Variants in WDR36 observed in about 807,000 individuals in gnomAD.
WDR36 encodes the protein WD repeat domain 36.
WDR36 carries 63 observed loss-of-function variants against 112.7 expected under a neutral mutation model. The ratio of observed to expected loss-of-function variants is 0.56; its 90% CI spans 0.46 to 0.69. The LOEUF (loss-of-function observed/expected upper bound fraction) is 0.69. Ranked by LOEUF, WDR36 falls within the 30% of genes least tolerant of loss-of-function variation. The pLI is 0.00. For missense variants in WDR36, 1,226 were observed against 1,070.3 expected (o/e 1.15, Z -2.03); for synonymous variants, 410 against 362.2 (o/e 1.13, Z -1.50).
At chr5:111,125,587 C>G in intron 21 of WDR36, 21 bp from the exon 22 acceptor site, 1 of 1,607,508 alleles carries the variant, frequency 6.2e-7, no homozygotes, top group Non-Finnish European at 8.5e-7. Context: ...CAAGTCATAA[C>G]TGGATTAAAA....
intron 6 of WDR36, 126 bp from the exon 7 acceptor site, chr5:111,103,660 T>C: frequency 8.1e-7 from 1 of 1,241,154 alleles, no homozygotes; most frequent in African/African-American, 1.5e-5. Flanking sequence ...TTGCTGAGTT[T>C]TTCTGCCATC....
chr5:111,101,441 A>G (rs1316338466), intron 5 of WDR36, among the ~76,000 whole-genome samples: 1 of 151,902 alleles, frequency 6.6e-6, no homozygotes, highest in Admixed American at 6.6e-5. Context: ...AGGCAAATCA[A>G]TAATTTAGTG....
chr5:111,094,239 G>A (rs1006974861), intron 1 of WDR36, among the ~76,000 whole-genome samples: 3 of 152,146 alleles, frequency 2.0e-5, no homozygotes, highest in Non-Finnish European at 4.4e-5. Context: ...CTATATGACT[G>A]GCCCCATTCT....
Position 111,092,585 on chromosome 5 carries a change from A to G in WDR36, c.129A>G (p.Thr43=), listed in dbSNP as rs770861811. 4.1e-5 allele frequency: 66 copies of G among 1,613,966 alleles called. No individual in the cohort carries two copies. The highest frequency in any genetic ancestry group is 5.1e-5 in the Non-Finnish European group (60 of 1,180,034). Residue 43 remains threonine, a synonymous_variant, in exon 1 of 23, where the codon ACA becomes ACG. Coordinates refer to ENST00000513710, the MANE Select transcript of WDR36 (RefSeq NM_139281.3). ...CGCTCAAGCGCCGGTTCTATGTAAC[A>G]ACCTGCGTGGGCAAGAGTTTCCACA... The part of the protein sequence containing the change: ...FSALKRRFYV[T]TCVGKSFHTY...
Position 111,110,882 on chromosome 5 carries a change from T to C in WDR36, c.1536T>C (p.Phe512=). Residue 512 remains phenylalanine (F), a synonymous_variant, in exon 14 of 23, where the codon TTT becomes TTC. Coordinates refer to ENST00000513710, the MANE Select transcript of WDR36 (RefSeq NM_139281.3). The part of the protein sequence containing the change: ...GSEGLLKFWN[F]KNKILIHSVS... ...AAGGATTACTCAAATTCTGGAACTT[T>C]AAAAACAAAATTTTAATCCATTCTG... 1.2e-6 allele frequency: 2 copies of C among 1,611,872 alleles called. No individual in the cohort carries two copies. The highest frequency in any genetic ancestry group is 4.5e-5 in the East Asian group (2 of 44,834).
chr5:111,105,261 A>C (rs1197300573), intron 9 of WDR36, 34 bp from the exon 10 acceptor site: 2 of 1,594,570 alleles, frequency 1.3e-6, no homozygotes, highest in African/African-American at 1.3e-5. Flanking sequence ...GTTTTAATGA[A>C]GCTTGATTAG....
intron 16 of WDR36, among the ~76,000 whole-genome samples, chr5:111,114,504 C>T (rs1753416859): frequency 6.6e-6 from 1 of 152,186 alleles, no homozygotes. Context: ...ACCCATCTTG[C>T]ATATACACTG....
At chr5:111,111,348 G>A in intron 15 of WDR36, 70 bp downstream of exon 15, 1 of 1,216,390 alleles carries the variant, frequency 8.2e-7, no homozygotes, top group Non-Finnish European at 1.2e-6. Flanking sequence ...TCCTTTAATA[G>A]CCTTAAAATC....
intron 10 of WDR36, among the ~76,000 whole-genome samples, 167 bp from the exon 11 acceptor site, chr5:111,105,885 ACTTTT>A (rs1239250107): frequency 6.6e-6 from 1 of 151,608 alleles, no homozygotes; most frequent in Non-Finnish European, 1.5e-5. Flanking sequence ...ATCTAAAATA[ACTTTT>A]CTTAGAATTA....
intron 16 of WDR36, among the ~76,000 whole-genome samples, chr5:111,113,849 C>T (rs1561707361): frequency 6.6e-6 from 1 of 152,050 alleles, no homozygotes. Flanking sequence ...TATAAAGCCA[C>T]CAGTTTCCCT....
rs953915772 is a variant in WDR36, at chr5:111,104,729, C to T, written c.939C>T (p.Gly313=). The T allele has an allele frequency of 1.9e-6, 3 of 1,611,316 alleles. No individual in the cohort carries two copies. The highest frequency in any genetic ancestry group is 2.5e-6 in the Non-Finnish European group (3 of 1,177,960). ...TATTTGATGGTCCTACAGGTGAAGG[C>T]CGACTTTTGAGATTCAGAATGGGTC... ...IWIFDGPTGE[G]RLLRFRMGHS... The change falls in exon 9 of 23, where the codon GGC becomes GGT. Residue 313 remains glycine (G), a synonymous_variant. Coordinates refer to ENST00000513710, the MANE Select transcript of WDR36 (RefSeq NM_139281.3).
At chr5:111,105,409 A>C in intron 10 of WDR36, 49 bp downstream of exon 10, 12 of 1,531,010 alleles carry the variant, frequency 7.8e-6, no homozygotes, top group Non-Finnish European at 1.1e-5. Context: ...GAAACATTTC[A>C]ACATTCTATG....
At chr5:111,095,253 A>G (rs963728771) in intron 2 of WDR36, 71 of 287,816 alleles carry the variant, frequency 2.5e-4, no homozygotes, top group African/African-American at 1.5e-3. Flanking sequence ...TTTTTTTGAC[A>G]TTTCTTCAGG....
chr5:111,107,306 A>C lies in WDR36; in HGVS notation c.1193A>C (p.Glu398Ala). 1 of 1,610,068 alleles carries C rather than the reference A, an allele frequency of 6.2e-7. No homozygotes were observed. ...CATTACGTTTTAGAGGAAGCTCGTG[A>C]AAGTGACTGGGATGGTATCATTGCT... Reference protein sequence around the residue: ...ITKFAAEEARESDWDGIIACH... With the variant: ...ITKFAAEEARASDWDGIIACH... The change falls in exon 12 of 23, where the codon GAA (glutamate) becomes GCA (alanine). Residue 398 changes from glutamate (E) to alanine (A), a missense_variant. Transcript: ENST00000513710.
chr5:111,097,047 C>A lies in WDR36; in HGVS notation c.191-32C>A, dbSNP rs759885569. 9 of 1,524,806 alleles carry A rather than the reference C, an allele frequency of 5.9e-6. No homozygotes were observed. In the Middle Eastern group the frequency reaches 5.1e-4, roughly 86 times the overall value. The allele number at this position is 1,524,806 out of a possible 1,614,324, so 94.5% of individuals were successfully genotyped here. On this transcript the variant is annotated intron_variant, in intron 2 of 22. Coordinates refer to ENST00000513710, the MANE Select transcript of WDR36 (RefSeq NM_139281.3). ...GGTTTCTCTTTAACATCTTAAAAAT[C>A]CCTGTTTCTTTCATTTTGTATTTTC...
At chr5:111,096,719 A>T (rs1752991806) in intron 2 of WDR36, among the ~76,000 whole-genome samples, 1 of 152,094 alleles carries the variant, frequency 6.6e-6, no homozygotes, top group East Asian at 1.9e-4. Context: ...AAAAAGAAAA[A>T]AAAAAAGATG....
At position 111,104,272 on chromosome 5, in the gene WDR36, C is replaced by G. The variant is rs746428272; in HGVS notation, c.826C>G (p.His276Asp). The G allele has an allele frequency of 6.2e-6, 10 of 1,612,004 alleles. No homozygotes were observed. The African/African-American group carries it at 1.3e-4, about 22-fold the overall frequency. ...KKLINQMRNAHSTAIAGLTFL... is the reference protein window; with the variant it reads ...KKLINQMRNADSTAIAGLTFL... ...ATTAATCAACCAAATGAGAAATGCA[C>G]ACTCTACAGCAATTGCCGGACTGAC... Residue 276 changes from histidine to aspartate, a missense_variant, in exon 8 of 23, where the codon CAC (histidine) becomes GAC (aspartate). By Grantham distance (81) the His-to-Asp change is moderately conservative. Transcript: ENST00000513710.
rs138779946 is a variant in WDR36, at chr5:111,120,566, A to G, written c.1975A>G (p.Met659Val). 7.1e-5 allele frequency: 114 copies of G among 1,612,678 alleles called. 1 individual carries two copies. Among genetic ancestry groups the G allele is most frequent in the Non-Finnish European group, 8.8e-5 (104 of 1,179,114 alleles). The change falls in exon 18 of 23, where the codon ATG (methionine) becomes GTG (valine). Residue 659 changes from methionine (M) to valine (V), a missense_variant. Physicochemically the swap from Met to Val is conservative, Grantham distance 21 (BLOSUM62 1). Coordinates refer to ENST00000513710, the MANE Select transcript of WDR36 (RefSeq NM_139281.3). ...TGCAGATTATGTCCCTTCAATAGTC[A>G]TGCTTCCTGGTACTTGTCAAACCCA... ...LPADYVPSIV[M>V]LPGTCQTQDV... is the part of the protein sequence containing the mutation.
rs1753168412 is a variant in WDR36, at chr5:111,103,846, A to G, written c.658A>G (p.Ile220Val). 6.2e-7 allele frequency: 1 copy of G among 1,611,492 alleles called. No homozygotes were observed. ...GTCAGGTCAAGTTATCATTCACAAC[A>G]TTAAATTTAATGAAACATTAATGAA... ...LMSGQVIIHN[I>V]KFNETLMKFR... Residue 220 changes from isoleucine (I) to valine (V), a missense_variant, in exon 7 of 23, where the codon ATT becomes GTT. Ile to Val is a conservative substitution (Grantham distance 29, BLOSUM62 3). Coordinates refer to ENST00000513710, the MANE Select transcript of WDR36 (RefSeq NM_139281.3).
Sources: allele counts gnomAD v4.1 joint callset (sites outside exome capture counted in the v4.1 genomes callset), GRCh38; gene constraint gnomAD v4.1.1; transcripts MANE v1.5; gene names NCBI Gene and HGNC (gene_info 2026-07-23, HGNC 2026-07-21).